The following FMN1 variants were observed in gnomAD, a reference collection of about 807,000 sequenced individuals.
FMN1 encodes formin 1, also known as formin-1.
In FMN1, 110 loss-of-function variants were observed where a neutral mutation model predicts 132.4. The observed-to-expected ratio is 0.83, with a 90% CI of 0.71 to 0.97. FMN1 has a LOEUF of 0.97. Among genes scored for constraint, FMN1 ranks in the 50% least tolerant of loss-of-function variants. The probability of loss-of-function intolerance (pLI) is 0.00; values close to 1 mark genes in which losing one functional copy is unlikely to be tolerated. For synonymous variants in FMN1, 722 were observed against 651.7 expected, an observed-to-expected ratio of 1.11 and a Z score of -1.64; for missense variants, 1,792 against 1,705.3, an observed-to-expected ratio of 1.05 and a Z score of -0.90.
At position 32,771,487 on chromosome 15, in the gene FMN1, G is replaced by T. The variant is rs77331764; in HGVS notation, c.*2823C>A. 1 of 152,184 alleles carries T rather than the reference G, an allele frequency of 6.6e-6. No individual in the cohort carries two copies. Among genetic ancestry groups the T allele is most frequent in the African/African-American group, 2.4e-5 (1 of 41,458 alleles). 9.4% of individuals were successfully genotyped at this position (152,184 alleles called of 1,614,324 possible). A position where few individuals can be genotyped will look rare whatever the true frequency, so the allele number is the denominator to read the frequency against. Reference sequence around the variant, plus strand: ...TGCTCTGATGCTGTCAATTGCTCATGCAAGAATCTGAACTACTGTCAAACT... The same window carrying T: ...TGCTCTGATGCTGTCAATTGCTCATTCAAGAATCTGAACTACTGTCAAACT... On this transcript the variant is annotated 3_prime_UTR_variant, in exon 21 of 21. Coordinates refer to ENST00000616417, the MANE Select transcript of FMN1 (RefSeq NM_001277313.2).
rs962541124 is a variant in FMN1 at position 32,893,022 on chromosome 15, G to T, written c.3715-4730C>A. ...CAGAGGGCTTGTAAAACATGGTTCT[G>T]AGATGTATGTACCTTTAGCAGGAGA... On this transcript the variant is annotated intron_variant, in intron 15 of 20. Coordinates refer to ENST00000616417, the MANE Select transcript of FMN1 (RefSeq NM_001277313.2). Among the ~76,000 whole-genome samples, 4 of 152,266 alleles carry T rather than the reference G, an allele frequency of 2.6e-5. No individual in the cohort carries two copies. The East Asian group carries it at 5.8e-4, about 22-fold the overall frequency.
chr15:32,802,240 C>G (rs1270017455), intron 18 of FMN1, among the ~76,000 whole-genome samples: 1 of 152,138 alleles, frequency 6.6e-6, no homozygotes, highest in Non-Finnish European at 1.5e-5. Context: ...CTTTTTAATT[C>G]AGCCAAACAT....
At chr15:32,792,460 A>C (rs2057119988) in intron 19 of FMN1, among the ~76,000 whole-genome samples, 1 of 86,150 alleles carries the variant, frequency 1.2e-5, no homozygotes, top group African/African-American at 3.2e-5. Flanking sequence ...AAAATAAAAC[A>C]AACAAACAAA....
chr15:33,144,640 A>G (rs1314510858), intron 4 of FMN1, among the ~76,000 whole-genome samples: 2 of 71,806 alleles, frequency 2.8e-5, no homozygotes, highest in South Asian at 2.7e-4. Context: ...TCCGTCTGAA[A>G]AAAAAAAAAA....
At chr15:33,000,403 C>T (rs1340051613) in intron 7 of FMN1, among the ~76,000 whole-genome samples, 2 of 147,952 alleles carry the variant, frequency 1.4e-5, no homozygotes, top group African/African-American at 5.0e-5. Flanking sequence ...GAGCCGAGAT[C>T]CTGCCACTGC....
At chr15:32,775,518 T>A (rs1158882539) in intron 20 of FMN1, among the ~76,000 whole-genome samples, 1 of 152,164 alleles carries the variant, frequency 6.6e-6, no homozygotes, top group Non-Finnish European at 1.5e-5. Flanking sequence ...GAGAGGCTCA[T>A]GAAGGAAGAA....
At chr15:33,079,591 C>G (rs1018158764) in intron 5 of FMN1, among the ~76,000 whole-genome samples, 1 of 152,258 alleles carries the variant, frequency 6.6e-6, no homozygotes, top group Non-Finnish European at 1.5e-5. Flanking sequence ...CCACTGCACT[C>G]CAGCCTCGGT....
intron 17 of FMN1, among the ~76,000 whole-genome samples, chr15:32,825,770 T>A (rs2058348715): frequency 6.6e-6 from 1 of 152,224 alleles, no homozygotes; most frequent in African/African-American, 2.4e-5. Flanking sequence ...ATTATACAGT[T>A]GTCTGTTTAG....
At chr15:33,012,943 A>T in intron 6 of FMN1, 1 of 492,472 alleles carries the variant, frequency 2.0e-6, no homozygotes, top group Non-Finnish European at 4.0e-6. Context: ...TTGATCCATG[A>T]AGGGAAAAAA....
chr15:32,933,464 ATGGTC>A (rs1219230460), intron 9 of FMN1, among the ~76,000 whole-genome samples: 1 of 151,282 alleles, frequency 6.6e-6, no homozygotes, highest in East Asian at 1.9e-4. Flanking sequence ...GTTGGGTGGA[ATGGTC>A]TATTTCCATT....
chr15:33,049,314 T>C (rs1166651359), intron 6 of FMN1, among the ~76,000 whole-genome samples: 1 of 152,170 alleles, frequency 6.6e-6, no homozygotes, highest in Non-Finnish European at 1.5e-5. Flanking sequence ...AAGTCACTTG[T>C]GGTAAATGTG....
rs183032366 is a variant in FMN1, at chr15:33,101,516, G to A, written c.1868-12542C>T. On this transcript the variant is annotated intron_variant, in intron 4 of 20. Coordinates refer to ENST00000616417, the MANE Select transcript of FMN1 (RefSeq NM_001277313.2). ...AGCAAAGTTTATGAATTTGTATTGG[G>A]TCACATTCAAAGCTGCCCTGGGATA... Among the ~76,000 whole-genome samples the A allele has an allele frequency of 1.6e-4, 25 of 152,152 alleles. No individual in the cohort carries two copies. The East Asian group carries it at 3.1e-3, about 19-fold the overall frequency.
At chr15:32,952,799 C>G (rs569061130) in intron 9 of FMN1, among the ~76,000 whole-genome samples, 11 of 152,276 alleles carry the variant, frequency 7.2e-5, no homozygotes, top group East Asian at 3.9e-4. Context: ...AATGAAAACA[C>G]GAAAACTCAG....
chr15:33,102,780 T>C (rs556616318), intron 4 of FMN1, among the ~76,000 whole-genome samples: 2 of 152,196 alleles, frequency 1.3e-5, no homozygotes, highest in Non-Finnish European at 2.9e-5. Flanking sequence ...ACATTGGTTT[T>C]ATTTCATTTC....
intron 13 of FMN1, chr15:32,900,374 T>A (rs1470546298): frequency 3.2e-6 from 2 of 624,852 alleles, no homozygotes; most frequent in Admixed American, 2.5e-5. Flanking sequence ...GAGGATTAAC[T>A]ATTGGTTTTA....
chr15:33,065,187 T>C lies in FMN1; in HGVS notation c.2044-113A>G. 3 of 642,294 alleles carry C rather than the reference T, an allele frequency of 4.7e-6. No individual in the cohort carries two copies. The South Asian group carries it at 6.7e-5, about 14-fold the overall frequency. 39.8% of individuals were successfully genotyped at this position (642,294 alleles called of 1,614,324 possible). A position where few individuals can be genotyped will look rare whatever the true frequency, so the allele number is the denominator to read the frequency against. On this transcript the variant is annotated intron_variant, in intron 5 of 20. Coordinates refer to ENST00000616417, the MANE Select transcript of FMN1 (RefSeq NM_001277313.2). ...TTAATTTTAATGGCTAGTTGCACATTGCTCTCATTCACTATAATTCAGATA... is the reference window on the plus strand; with the variant it reads ...TTAATTTTAATGGCTAGTTGCACATCGCTCTCATTCACTATAATTCAGATA...
intron 3 of FMN1, among the ~76,000 whole-genome samples, chr15:33,179,644 A>C (rs1301041992): frequency 2.0e-5 from 3 of 152,246 alleles, no homozygotes; most frequent in Non-Finnish European, 4.4e-5. Context: ...CAACTATAGA[A>C]TGTAACTGTC....
At chr15:32,859,109 A>C (rs2059204791) in intron 16 of FMN1, among the ~76,000 whole-genome samples, 1 of 152,188 alleles carries the variant, frequency 6.6e-6, no homozygotes, top group South Asian at 2.1e-4. Context: ...GCTGAGATAG[A>C]GAATAGTGGG....
intron 3 of FMN1, among the ~76,000 whole-genome samples, chr15:33,168,868 T>G (rs1238947842): frequency 1.3e-5 from 2 of 152,210 alleles, no homozygotes; most frequent in Non-Finnish European, 2.9e-5. Flanking sequence ...CGAGATCCTC[T>G]AGGTCACAGC....
Sources: gnomAD v4.1 joint callset for allele counts (sites outside exome capture counted in the v4.1 genomes callset) on GRCh38, gnomAD v4.1.1 for gene constraint, MANE v1.5 for transcripts, NCBI Gene and HGNC (gene_info 2026-07-23, HGNC 2026-07-21) for gene names.